The following PRRC2B variants were observed in gnomAD, a reference collection of about 807,000 sequenced individuals.
PRRC2B encodes the protein protein PRRC2B.
PRRC2B carries 68 observed loss-of-function variants against 242.3 expected under a neutral mutation model. The ratio of observed to expected loss-of-function variants is 0.28; its 90% CI spans 0.23 to 0.34. The LOEUF is 0.34. Among genes scored for constraint, PRRC2B ranks in the 10% least tolerant of loss-of-function variants. The pLI is 1.00. For missense variants in PRRC2B, 2,835 were observed against 2,954.8 expected (o/e 0.96, Z 0.94); for synonymous variants, 1,228 against 1,173.6 (o/e 1.05, Z -0.95).
chr9:131,430,561 ATGTG>A (rs200517031), intron 2 of PRRC2B, among the ~76,000 whole-genome samples: 6,976 of 118,774 alleles, frequency 0.059, 268 homozygotes, highest in Admixed American at 0.13. Context: ...GTGTGTGTGT[ATGTG>A]TGTGTGTGTG....
intron 14 of PRRC2B, among the ~76,000 whole-genome samples, chr9:131,471,561 TAGTA>T (rs1943547469): frequency 1.3e-5 from 2 of 152,244 alleles, no homozygotes; most frequent in South Asian, 4.1e-4. Context: ...AATGACCAGA[TAGTA>T]AGTCTTTTAG....
At chr9:131,483,049 G>A (rs1392474179) in intron 22 of PRRC2B, 142 bp downstream of exon 22, 1 of 1,002,734 alleles carries the variant, frequency 1.0e-6, no homozygotes, top group Non-Finnish European at 1.5e-6. Flanking sequence ...TAGAGTGTTG[G>A]TGTGGAGTCC....
upstream of PRRC2B, among the ~76,000 whole-genome samples, chr9:131,389,960 G>T (rs908998099): frequency 4.9e-4 from 47 of 95,312 alleles, 2 homozygotes; most frequent in East Asian, 0.015. Context: ...GTCCTGTTTT[G>T]TCGCCAAGCT....
chr9:131,487,869 A>G lies in PRRC2B; in HGVS notation c.5998A>G (p.Met2000Val), dbSNP rs747209355. The change falls in exon 28 of 32, where the codon ATG becomes GTG. Residue 2000 changes from methionine to valine, a missense_variant. Coordinates refer to ENST00000683519, the MANE Select transcript of PRRC2B (RefSeq NM_013318.4). This position sits in a 1 kb window ranked among gnomAD's most constrained non-coding sequence, Gnocchi z 5.3. ...TGGCTTTTGCAGATCTCAGGTGTACATGCACCCCAGCCTGTCACCGCCCAG... is the reference window on the plus strand; with the variant it reads ...TGGCTTTTGCAGATCTCAGGTGTACGTGCACCCCAGCCTGTCACCGCCCAG... ...SLQPFRSQVY[M>V]HPSLSPPSTM... 6.2e-7 allele frequency: 1 copy of G among 1,611,026 alleles called. No individual in the cohort carries two copies. The highest frequency in any genetic ancestry group is 8.5e-7 in the Non-Finnish European group (1 of 1,177,604).
At position 131,482,418 on chromosome 9, in the gene PRRC2B, C is replaced by G; in HGVS notation, c.5031C>G (p.Ala1677=). 1.3e-6 allele frequency: 2 copies of G among 1,599,976 alleles called. No homozygotes were observed. Among genetic ancestry groups the G allele is most frequent in the Non-Finnish European group, 1.7e-6 (2 of 1,168,846 alleles). ...SQGDSGVDLS[A]ESRESSATSS... ...GAGATAGTGGCGTTGACTTGAGTGC[C>G]GAGTCTCGGGAGTCGTCTGCGACCT... The change falls in exon 21 of 32, where the codon GCC becomes GCG. Residue 1677 remains alanine, a synonymous_variant. Coordinates refer to ENST00000683519, the MANE Select transcript of PRRC2B (RefSeq NM_013318.4). The surrounding 1 kb of genome is among the most constrained non-coding windows in gnomAD (Gnocchi z 5.2).
At chr9:131,423,784 G>T (rs1397831637) in intron 1 of PRRC2B, among the ~76,000 whole-genome samples, 2 of 152,184 alleles carry the variant, frequency 1.3e-5, no homozygotes, top group Non-Finnish European at 2.9e-5. Context: ...CTTCACTGTG[G>T]AGAGTGTAAT....
At chr9:131,388,872 G>C (rs1836861444) in intron 1 of PRRC2B, among the ~76,000 whole-genome samples, 2 of 97,380 alleles carry the variant, frequency 2.1e-5, no homozygotes, top group African/African-American at 4.1e-5. Flanking sequence ...ACGGAGTCTC[G>C]CTCCGTTGCC....
At chr9:131,409,900 A>G (rs1205645117) in intron 1 of PRRC2B, among the ~76,000 whole-genome samples, 2 of 152,234 alleles carry the variant, frequency 1.3e-5, no homozygotes, top group African/African-American at 4.8e-5. Flanking sequence ...AATAAAGAAC[A>G]TAGATTTTGG....
chr9:131,421,259 C>T (rs1234836666), intron 1 of PRRC2B, among the ~76,000 whole-genome samples: 2 of 152,204 alleles, frequency 1.3e-5, no homozygotes, highest in African/African-American at 4.8e-5. Context: ...GTCTGGCACA[C>T]ACATTGGTCA....
upstream of PRRC2B, among the ~76,000 whole-genome samples, chr9:131,389,239 G>A (rs1365698952): frequency 1.2e-4 from 17 of 143,128 alleles, 1 homozygote; most frequent in Non-Finnish European, 3.0e-5. Context: ...CACAACCTCC[G>A]CTTCCCTGGT....
chr9:131,486,219 G>A (rs1292235943), intron 26 of PRRC2B, 37 bp downstream of exon 26: 1 of 1,393,416 alleles, frequency 7.2e-7, no homozygotes, highest in Non-Finnish European at 1.0e-6. Context: ...GCTGGGGGTG[G>A]TGGGGAGGAG....
chr9:131,388,898 T>C (rs1204004728), intron 1 of PRRC2B, among the ~76,000 whole-genome samples: 1 of 145,278 alleles, frequency 6.9e-6, no homozygotes. Context: ...TGGAGTGCAG[T>C]GGCATGATCT....
At position 131,482,962 on chromosome 9, in the gene PRRC2B, T is replaced by G; in HGVS notation, c.5373+55T>G. The G allele has an allele frequency of 6.5e-7, 1 of 1,543,748 alleles. No individual in the cohort carries two copies. ...TTTTTTTACTTTTTATTTTGGTACT[T>G]GGAGAGGCTGGGGGCTCAGATGGGA... is the stretch of plus-strand genomic sequence containing the variant. On this transcript the variant is annotated intron_variant, in intron 22 of 31. Coordinates refer to ENST00000683519, the MANE Select transcript of PRRC2B (RefSeq NM_013318.4). This position sits in a 1 kb window ranked among gnomAD's most constrained non-coding sequence, Gnocchi z 5.2.
In PRRC2B at chr9:131,464,836, A is replaced by G; in HGVS notation, c.1478A>G (p.Lys493Arg). Residue 493 changes from lysine (K) to arginine (R), a missense_variant, in exon 12 of 32, where the codon AAG (lysine) becomes AGG (arginine). Physicochemically the swap from Lys to Arg is conservative, Grantham distance 26. Coordinates refer to ENST00000683519, the MANE Select transcript of PRRC2B (RefSeq NM_013318.4). ...GAGGACAAGCCCCCACCAAGGCAGA[A>G]GTTCATTCAGTCAGAGATGTCCGAG... ...DKEDKPPPRQ[K>R]FIQSEMSEAV... 9.3e-6 allele frequency: 15 copies of G among 1,613,632 alleles called. No individual in the cohort carries two copies. The highest frequency in any genetic ancestry group is 1.3e-5 in the Non-Finnish European group (15 of 1,179,654).
intron 25 of PRRC2B, chr9:131,485,882 A>G (rs750777667): frequency 3.6e-5 from 26 of 714,830 alleles, no homozygotes; most frequent in Non-Finnish European, 5.9e-5. Context: ...CACCCTCCCT[A>G]CGTTCCCTGA....
At chr9:131,399,151 C>T (rs1171608487) in intron 1 of PRRC2B, among the ~76,000 whole-genome samples, 1 of 151,504 alleles carries the variant, frequency 6.6e-6, no homozygotes, top group Non-Finnish European at 1.5e-5. Context: ...TGGCGAGTGC[C>T]TGTAGTCCCA....
intron 1 of PRRC2B, among the ~76,000 whole-genome samples, chr9:131,429,527 T>C (rs1838068101): frequency 6.6e-6 from 1 of 152,190 alleles, no homozygotes; most frequent in South Asian, 2.1e-4. Flanking sequence ...GCAGATGTTT[T>C]CTCTCTGGGT....
At chr9:131,455,197 AGT>A in intron 10 of PRRC2B, 31 bp downstream of exon 10, 1 of 1,447,392 alleles carries the variant, frequency 6.9e-7, no homozygotes, top group Non-Finnish European at 9.7e-7. Flanking sequence ...TATCAGCATG[AGT>A]GCATCCCTGC....
intron 1 of PRRC2B, among the ~76,000 whole-genome samples, chr9:131,382,648 T>A (rs1836776014): frequency 6.6e-6 from 1 of 151,324 alleles, no homozygotes; most frequent in Non-Finnish European, 1.5e-5. Context: ...ATTCCTTTTT[T>A]TTTTTTGGAG....
Sources: allele counts gnomAD v4.1 joint callset (sites outside exome capture counted in the v4.1 genomes callset), GRCh38; gene constraint gnomAD v4.1.1; non-coding constraint Gnocchi (gnomAD v3.1); transcripts MANE v1.5; gene names NCBI Gene and HGNC (gene_info 2026-07-23, HGNC 2026-07-21).